The following CXADR variants were observed in gnomAD, a reference collection of about 807,000 sequenced individuals.
CXADR encodes coxsackievirus and adenovirus receptor.
A neutral mutation model predicts 40.3 loss-of-function variants in CXADR; 20 were observed. That is an observed-to-expected ratio of 0.50 (90% CI 0.35 to 0.72). The LOEUF is 0.72. Ranked by LOEUF, CXADR falls within the 30% of genes least tolerant of loss-of-function variation. The pLI, the probability that CXADR is intolerant of heterozygous loss-of-function variation, is 0.01. For synonymous variants in CXADR, 150 were observed against 161.3 expected, an observed-to-expected ratio of 0.93 and a Z score of 0.53; for missense variants, 332 against 449.1, an observed-to-expected ratio of 0.74 and a Z score of 2.36.
intron 1 of CXADR, among the ~76,000 whole-genome samples, chr21:17,517,443 CT>C (rs1303261217): frequency 6.6e-6 from 1 of 152,118 alleles, no homozygotes; most frequent in African/African-American, 2.4e-5. Flanking sequence ...GGAAATCCTC[CT>C]AGGGCCAGTA....
At chr21:17,605,259 AC>A in the CXADR span, 3 of 281,454 alleles carry the variant, frequency 1.1e-5, no homozygotes, top group South Asian at 1.1e-4. Context: ...AGACTTGACC[AC>A]CCATGTACAT....
At chr21:17,601,981 C>T in the CXADR span, among the ~76,000 whole-genome samples, 1 of 152,154 alleles carries the variant, frequency 6.6e-6, no homozygotes, top group Admixed American at 6.5e-5. Context: ...GACTATACTA[C>T]TATAACATTA....
At chr21:17,630,378 C>G in the CXADR span, among the ~76,000 whole-genome samples, 2 of 152,080 alleles carry the variant, frequency 1.3e-5, no homozygotes, top group African/African-American at 4.8e-5. Context: ...TCTTAGAAAT[C>G]CTGTCATTTC....
the CXADR span, among the ~76,000 whole-genome samples, chr21:17,600,459 AAATTAT>A: frequency 6.6e-6 from 1 of 152,230 alleles, no homozygotes; most frequent in Non-Finnish European, 1.5e-5. Flanking sequence ...CACTCGTCTC[AAATTAT>A]TTCTGAATCA....
chr21:17,532,044 C>T (rs942809842), intron 1 of CXADR, among the ~76,000 whole-genome samples: 1 of 151,904 alleles, frequency 6.6e-6, no homozygotes, highest in Non-Finnish European at 1.5e-5. Context: ...CAGGCTCCCA[C>T]CTCAGTCTCC....
intron 3 of CXADR, among the ~76,000 whole-genome samples, chr21:17,553,122 C>G (rs1292558185): frequency 3.3e-5 from 5 of 152,092 alleles, no homozygotes; most frequent in Non-Finnish European, 7.3e-5. Flanking sequence ...AGTGTTTCAC[C>G]ATGTTGGCCA....
At chr21:17,617,439 A>G in the CXADR span, among the ~76,000 whole-genome samples, 3 of 152,170 alleles carry the variant, frequency 2.0e-5, no homozygotes, top group Non-Finnish European at 2.9e-5. Flanking sequence ...CACAACTCCT[A>G]TCTTTATTTT....
intron 1 of CXADR, among the ~76,000 whole-genome samples, chr21:17,517,331 C>T (rs535727899): frequency 4.0e-4 from 61 of 152,108 alleles, no homozygotes; most frequent in Non-Finnish European, 6.9e-4. Context: ...AGTGCTCCCC[C>T]CAAAGCATTA....
rs139185305 is a variant in CXADR, at chr21:17,527,799, T to A, written c.43+14627T>A. 2.0e-4 allele frequency among the ~76,000 whole-genome samples: 30 copies of A among 151,430 alleles called. No homozygotes were observed. In the East Asian group the frequency reaches 5.8e-3, roughly 29 times the overall value. On this transcript the variant is annotated intron_variant, in intron 1 of 6. Transcript: ENST00000284878. ...TTGCTGCTCCTTTTTTATTTTTTTA[T>A]TTTTATTTATTTATTTATTTATTTT...
the CXADR span, among the ~76,000 whole-genome samples, chr21:17,609,651 C>G: frequency 6.6e-6 from 1 of 152,174 alleles, no homozygotes; most frequent in Admixed American, 6.5e-5. Context: ...TATGACACGG[C>G]CAATTCTACT....
intron 5 of CXADR, 64 bp downstream of exon 5, chr21:17,560,888 C>G (rs2061109354): frequency 6.3e-7 from 1 of 1,594,106 alleles, no homozygotes; most frequent in Non-Finnish European, 8.6e-7. Context: ...TCCTTTAGTT[C>G]AGTCAGCAAG....
At chr21:17,514,000 A>G (rs2060426521) in intron 1 of CXADR, among the ~76,000 whole-genome samples, 1 of 152,132 alleles carries the variant, frequency 6.6e-6, no homozygotes, top group African/African-American at 2.4e-5. Context: ...GGGAGGGGAA[A>G]AAAGGCATGT....
the CXADR span, among the ~76,000 whole-genome samples, chr21:17,603,695 G>T: frequency 6.6e-6 from 1 of 152,244 alleles, no homozygotes; most frequent in East Asian, 1.9e-4. Context: ...ATTCTTGCAG[G>T]AATTCCATGC....
chr21:17,603,859 T>G, the CXADR span, among the ~76,000 whole-genome samples: 1 of 152,230 alleles, frequency 6.6e-6, no homozygotes, highest in African/African-American at 2.4e-5. Flanking sequence ...TTGTGCAACC[T>G]ACCACTGCAT....
intron 1 of CXADR, chr21:17,518,596 T>G: frequency 1.5e-6 from 2 of 1,361,020 alleles, no homozygotes; most frequent in Non-Finnish European, 2.1e-6. Context: ...CTCATCAGTG[T>G]CTTCTGGTTT....
At chr21:17,589,146 TATC>T (rs1441385686) in intron 7 of CXADR, among the ~76,000 whole-genome samples, 1 of 152,066 alleles carries the variant, frequency 6.6e-6, no homozygotes, top group Non-Finnish European at 1.5e-5. Context: ...TCATGAATAT[TATC>T]ATATTATATA....
At chr21:17,563,940 C>CAAAAAAAAAAAA (rs35020228) in intron 6 of CXADR, among the ~76,000 whole-genome samples, 9 of 37,198 alleles carry the variant, frequency 2.4e-4, no homozygotes, top group Admixed American at 4.8e-4. Context: ...GACTCTGTCT[C>CAAAAAAAAAAAA]AAAAAAAAAA....
At chr21:17,529,232 C>T (rs1457913604) in intron 1 of CXADR, among the ~76,000 whole-genome samples, 3 of 151,892 alleles carry the variant, frequency 2.0e-5, no homozygotes, top group African/African-American at 7.3e-5. Flanking sequence ...GTGGTTTCAC[C>T]ATGTTGGTCA....
chr21:17,552,878 G>A (rs1260211510), intron 3 of CXADR, among the ~76,000 whole-genome samples: 3 of 151,648 alleles, frequency 2.0e-5, no homozygotes, highest in African/African-American at 7.3e-5. Context: ...TTAGGGGTGG[G>A]GTAGAATATT....
Sources: allele counts gnomAD v4.1 joint callset (sites outside exome capture counted in the v4.1 genomes callset), GRCh38; gene constraint gnomAD v4.1.1; transcripts MANE v1.5; gene names NCBI Gene and HGNC (gene_info 2026-07-23, HGNC 2026-07-21).